Variants in POLN observed in about 807,000 individuals in gnomAD.
The protein encoded by POLN is DNA polymerase N.
In POLN, 108 loss-of-function variants were observed where a neutral mutation model predicts 113.5. The ratio of observed to expected loss-of-function variants is 0.95; its 90% confidence interval spans 0.81 to 1.12. The LOEUF (loss-of-function observed/expected upper bound fraction) is 1.12. Among genes scored for constraint, POLN ranks in the 50% most tolerant of loss-of-function variants. The pLI is 0.00. For synonymous variants in POLN, 386 were observed against 391.5 expected (o/e 0.99, Z 0.17); for missense variants, 1,097 against 1,077.1 (o/e 1.02, Z -0.26).
intron 13 of POLN, among the ~76,000 whole-genome samples, chr4:2,165,039 G>A (rs576619159): frequency 4.5e-4 from 69 of 152,064 alleles, no homozygotes; most frequent in African/African-American, 1.6e-3. Context: ...AAAACTAAAT[G>A]TACTCTTATC....
Position 2,110,437 on chromosome 4 carries a change from G to C in POLN, c.1983-14504C>G, listed in dbSNP as rs931689210. Reference sequence around the variant, plus strand: ...AGACACAAAAAACCCTTCAAAAAATGAATGAATCCAGGACCTGGTTTTTCG... The same window carrying C: ...AGACACAAAAAACCCTTCAAAAAATCAATGAATCCAGGACCTGGTTTTTCG... On this transcript the variant is annotated intron_variant, in intron 19 of 25. Transcript: ENST00000511885. Among the ~76,000 whole-genome samples the C allele has an allele frequency of 3.9e-5, 6 of 152,116 alleles. No individual in the cohort carries two copies. The South Asian group carries it at 6.2e-4, about 16-fold the overall frequency.
intron 8 of POLN, chr4:2,177,382 A>G: frequency 2.5e-6 from 1 of 403,062 alleles, no homozygotes. Context: ...CTCTACCTGG[A>G]ACTCTCTTCC....
In POLN at chr4:2,183,834, ACCG is replaced by A. The variant is rs201957438; in HGVS notation, c.1022-4372_1022-4370del. Among the ~76,000 whole-genome samples, 181 of 152,106 alleles carry A rather than the reference ACCG, an allele frequency of 1.2e-3. 2 individuals are homozygous for A. In the East Asian group the frequency reaches 0.031, roughly 26 times the overall value. ...TGGTATGAAATTATATCTTAATAAAACCGCTATTTTTTAAAGCTATACCAGAAA... is the reference window on the plus strand; with the variant it reads ...TGGTATGAAATTATATCTTAATAAAACTATTTTTTAAAGCTATACCAGAAA... On this transcript the variant is annotated intron_variant, in intron 7 of 25. Transcript: ENST00000511885.
At chr4:2,137,417 T>G (rs1246355652) in intron 16 of POLN, among the ~76,000 whole-genome samples, 1 of 152,232 alleles carries the variant, frequency 6.6e-6, no homozygotes, top group Non-Finnish European at 1.5e-5. Context: ...AAAGGGCAGC[T>G]GGCACAGAGC....
At chr4:2,165,881 A>C (rs1732716526) in intron 13 of POLN, among the ~76,000 whole-genome samples, 1 of 151,954 alleles carries the variant, frequency 6.6e-6, no homozygotes, top group South Asian at 2.1e-4. Context: ...AGCTCAAGTG[A>C]TCCTGCCACC....
At chr4:2,230,454 T>C (rs1734539836) in intron 2 of POLN, 1 of 151,964 alleles carries the variant, frequency 6.6e-6, no homozygotes. Flanking sequence ...CGAAATAGAA[T>C]AGAAAAAAAC....
chr4:2,188,240 C>T (rs1285411680), intron 7 of POLN, among the ~76,000 whole-genome samples: 2 of 152,196 alleles, frequency 1.3e-5, no homozygotes, highest in African/African-American at 4.8e-5. Flanking sequence ...CAAACAAAAA[C>T]TGAGGAAATT....
At chr4:2,222,587 C>T (rs988139265) in intron 3 of POLN, among the ~76,000 whole-genome samples, 2 of 152,030 alleles carry the variant, frequency 1.3e-5, no homozygotes, top group East Asian at 1.9e-4. Flanking sequence ...TTCTCTGGAG[C>T]AATCAGGACT....
rs193920976 is a variant in POLN at position 2,081,674 on chromosome 4, C to T, written c.2267G>A (p.Arg756Gln). ...CACTGCCTGTCGCTCTGCTTGTGCC[C>T]GGAGTTGCTGGTCATGAGCGTGAAT... ...PRIHAHDQQL[R>Q]AQAERQAVNF... Residue 756 changes from arginine (R) to glutamine (Q), a missense_variant, in exon 22 of 26, where the codon CGG (arginine) becomes CAG (glutamine). Coordinates refer to ENST00000511885, the MANE Select transcript of POLN (RefSeq NM_181808.4). The T allele has an allele frequency of 1.2e-5, 19 of 1,614,032 alleles. No individual in the cohort carries two copies. Among genetic ancestry groups the T allele is most frequent in the East Asian group, 6.7e-5 (3 of 44,890 alleles).
chr4:2,085,376 A>C (rs1730521489), intron 21 of POLN, among the ~76,000 whole-genome samples: 1 of 152,168 alleles, frequency 6.6e-6, no homozygotes, highest in African/African-American at 2.4e-5. Flanking sequence ...CTATCTGCCC[A>C]TCCACCATCT....
In POLN at chr4:2,157,875, G is replaced by A. The variant is rs762887357; in HGVS notation, c.1648C>T (p.Leu550=). Reference sequence around the variant, plus strand: ...CTTGTTACCTTTTTCATGCAAGCTAGTAATCCATCTACAAAGGTTGACTTG... The same window carrying A: ...CTTGTTACCTTTTTCATGCAAGCTAATAATCCATCTACAAAGGTTGACTTG... The part of the protein sequence containing the change: ...KIKSTFVDGL[L]ACMKKGSISS... Residue 550 remains leucine, a synonymous_variant, in exon 15 of 26, where the codon CTA becomes TTA. Transcript: ENST00000511885. The A allele has an allele frequency of 6.2e-7, 1 of 1,607,920 alleles. No individual in the cohort carries two copies. Among genetic ancestry groups the A allele is most frequent in the Non-Finnish European group, 8.5e-7 (1 of 1,175,368 alleles).
At chr4:2,182,493 T>C (rs1733168147) in intron 7 of POLN, among the ~76,000 whole-genome samples, 1 of 152,126 alleles carries the variant, frequency 6.6e-6, no homozygotes, top group Non-Finnish European at 1.5e-5. Flanking sequence ...AGTCACAGAA[T>C]GGATTTTCCC....
chr4:2,143,372 T>G (rs900017767), intron 16 of POLN, among the ~76,000 whole-genome samples: 1 of 152,116 alleles, frequency 6.6e-6, no homozygotes, highest in African/African-American at 2.4e-5. Context: ...GGAATATCAC[T>G]ACAGACCCTA....
chr4:2,111,485 A>C (rs1379740125), intron 19 of POLN, among the ~76,000 whole-genome samples: 1 of 152,206 alleles, frequency 6.6e-6, no homozygotes, highest in Non-Finnish European at 1.5e-5. Context: ...GTATATCTAG[A>C]AAACCCCATC....
chr4:2,102,284 G>A (rs931406555), intron 19 of POLN, among the ~76,000 whole-genome samples: 7 of 152,092 alleles, frequency 4.6e-5, no homozygotes, highest in Non-Finnish European at 8.8e-5. Context: ...GGTCCTGGGG[G>A]TTCCACAACC....
At position 2,174,594 on chromosome 4, in the gene POLN, T is replaced by C. The variant is rs1298412833; in HGVS notation, c.1309+97A>G. On this transcript the variant is annotated intron_variant, in intron 10 of 25. Transcript: ENST00000511885. Reference sequence around the variant, plus strand: ...CCTCTCTGGTGCCCATGAGATATACTATCTACTCCTAAGTAAGGTATGGAG... The same window carrying C: ...CCTCTCTGGTGCCCATGAGATATACCATCTACTCCTAAGTAAGGTATGGAG... 17 of 1,022,566 alleles carry C rather than the reference T, an allele frequency of 1.7e-5. No homozygotes were observed. In the Admixed American group the frequency reaches 3.4e-4, roughly 20 times the overall value. 63.3% of individuals were successfully genotyped at this position (1,022,566 alleles called of 1,614,324 possible).
chr4:2,238,935 C>G (rs375505722), intron 2 of POLN: 2 of 1,609,208 alleles, frequency 1.2e-6, no homozygotes, highest in Non-Finnish European at 1.7e-6. Flanking sequence ...TTCTCTCTTA[C>G]CACAGCAGGT....
chr4:2,157,844 G>C lies in POLN; in HGVS notation c.1665+14C>G. 6.4e-7 allele frequency: 1 copy of C among 1,561,752 alleles called. No individual in the cohort carries two copies. Among genetic ancestry groups the C allele is most frequent in the South Asian group, 1.1e-5 (1 of 88,612 alleles). On this transcript the variant is annotated intron_variant, in intron 15 of 25. Coordinates refer to ENST00000511885, the MANE Select transcript of POLN (RefSeq NM_181808.4). ...ACAGTCCTAATCACAGTATCTTTTT[G>C]TAAAGCTTGTTACCTTTTTCATGCA... is the stretch of plus-strand genomic sequence containing the variant.
chr4:2,184,093 A>G (rs958435201), intron 7 of POLN, among the ~76,000 whole-genome samples: 4 of 150,738 alleles, frequency 2.7e-5, no homozygotes, highest in African/African-American at 9.8e-5. Flanking sequence ...ACCTCAGGTG[A>G]TCCACTCGTC....
Sources: gnomAD v4.1 joint callset for allele counts (sites outside exome capture counted in the v4.1 genomes callset) on GRCh38, gnomAD v4.1.1 for gene constraint, MANE v1.5 for transcripts, NCBI Gene and HGNC (gene_info 2026-07-23, HGNC 2026-07-21) for gene names.